The following ZNF687 variants were observed in gnomAD, a reference collection of about 807,000 sequenced individuals.
ZNF687 encodes the protein zinc finger protein 687.
Under a neutral mutation model 71.8 loss-of-function variants are expected in ZNF687, and 13 were observed. The observed-to-expected ratio is 0.18, with a 90% CI of 0.12 to 0.29. The LOEUF is 0.29. Ranked by LOEUF, ZNF687 falls within the 10% of genes least tolerant of loss-of-function variation. The probability of loss-of-function intolerance (pLI) is 1.00; values close to 1 mark genes in which losing one functional copy is unlikely to be tolerated. For missense variants in ZNF687, 1,412 were observed against 1,625.6 expected (o/e 0.87, Z 2.26); for synonymous variants, 673 against 641.6 (o/e 1.05, Z -0.74).
chr1:151,281,996 T>C, upstream of ZNF687: 1 of 1,232,994 alleles, frequency 8.1e-7, no homozygotes, highest in Non-Finnish European at 1.1e-6. Flanking sequence ...GGCTGGCTTC[T>C]TTCTAAGCGA....
intron 1 of ZNF687, chr1:151,283,673 G>T: frequency 3.8e-6 from 1 of 261,204 alleles, no homozygotes; most frequent in Non-Finnish European, 6.0e-6. Flanking sequence ...GGTAGCTCAG[G>T]CCTCTGGTCA....
Position 151,282,327 on chromosome 1 carries a change from G to C in ZNF687, c.-86G>C. ...AAGTAGCGGCGGCCGCGGGGAGGGCGGCGGTGGCTGCAGCGGCTGGAGCGG... is the reference window on the plus strand; with the variant it reads ...AAGTAGCGGCGGCCGCGGGGAGGGCCGCGGTGGCTGCAGCGGCTGGAGCGG... On this transcript the variant is annotated 5_prime_UTR_variant, in exon 1 of 9. Coordinates refer to ENST00000336715, the MANE Select transcript of ZNF687 (RefSeq NM_020832.3). 5.0e-6 allele frequency: 5 copies of C among 1,001,130 alleles called. No homozygotes were observed. The highest frequency in any genetic ancestry group is 4.8e-6 in the Non-Finnish European group (4 of 837,466). 62.0% of individuals were successfully genotyped at this position (1,001,130 alleles called of 1,614,324 possible). A position where few individuals can be genotyped will look rare whatever the true frequency, so the allele number is the denominator to read the frequency against.
At position 151,288,300 on chromosome 1, in the gene ZNF687, A is replaced by T; in HGVS notation, c.2009A>T (p.Tyr670Phe). The change falls in exon 2 of 9, where the codon TAC becomes TTC. Residue 670 changes from tyrosine (Y) to phenylalanine (F), a missense_variant. Physicochemically the swap from Tyr to Phe is conservative, Grantham distance 22. This residue lies in a region of ZNF687 where 207 missense variants were observed against 239.2 expected (regional missense o/e 0.87). Transcript: ENST00000336715. ...EPPAAPATSA[Y>F]TCFRCLECKE... ...CCTGCTGCCCCGGCCACCTCTGCTT[A>T]CACATGCTTTCGCTGCCTGGAGTGC... 6.2e-7 allele frequency: 1 copy of T among 1,613,208 alleles called. No homozygotes were observed. The highest frequency in any genetic ancestry group is 2.2e-5 in the East Asian group (1 of 44,874).
chr1:151,288,859 C>T (rs185706047), intron 3 of ZNF687, among the ~76,000 whole-genome samples, 153 bp downstream of exon 3: 1 of 152,310 alleles, frequency 6.6e-6, no homozygotes, highest in Non-Finnish European at 1.5e-5. Flanking sequence ...TCCTGCCTTC[C>T]CGTCGTCCCC....
Position 151,290,903 on chromosome 1 carries a change from G to T in ZNF687, c.3408G>T (p.Gln1136His). 6.2e-7 allele frequency: 1 copy of T among 1,614,088 alleles called. No individual in the cohort carries two copies. The highest frequency in any genetic ancestry group is 8.5e-7 in the Non-Finnish European group (1 of 1,180,028). ...TGAGGGTGGAGGATGGTGCCCAGCA[G>T]TGCCTCGACTGTGGCTTGTGCTTTG... The part of the protein sequence containing the change: ...MGLRVEDGAQ[Q>H]CLDCGLCFAS... The change falls in exon 9 of 9, where the codon CAG becomes CAT. Residue 1136 changes from glutamine (Q) to histidine (H), a missense_variant. Coordinates refer to ENST00000336715, the MANE Select transcript of ZNF687 (RefSeq NM_020832.3).
chr1:151,282,418 C>A, intron 1 of ZNF687, 23 bp downstream of exon 1: 2 of 986,374 alleles, frequency 2.0e-6, no homozygotes, highest in Non-Finnish European at 2.4e-6. Context: ...GGGGTAAATA[C>A]CCGCCCTTGG....
upstream of ZNF687, chr1:151,282,131 C>CG (rs1449888600): frequency 1.1e-5 from 13 of 1,235,658 alleles, no homozygotes; most frequent in East Asian, 4.2e-4. Context: ...GAGGACTGTG[C>CG]GGGGCTAGTT....
In ZNF687 at chr1:151,290,005, A is replaced by G. The variant is rs145709815; in HGVS notation, c.2962A>G (p.Lys988Glu). ...GGCCCACATGAAGAAGGAGCATGGCAAGGTGAGTGGGCCCCAAGGGGAGTA... is the reference window on the plus strand; with the variant it reads ...GGCCCACATGAAGAAGGAGCATGGCGAGGTGAGTGGGCCCCAAGGGGAGTA... ...YVAHMKKEHG[K>E]SVKKFPCRLC... Residue 988 changes from lysine (K) to glutamate (E), a missense_variant and splice_region_variant, in exon 6 of 9, where the codon AAG becomes GAG. Lys to Glu is a moderately conservative substitution (Grantham distance 56, BLOSUM62 1). Around this residue, in one of 8 missense-constraint regions of ZNF687, gnomAD observed 284 missense variants for 359.2 expected, o/e 0.79. Transcript: ENST00000336715. 1.1e-4 allele frequency: 178 copies of G among 1,586,170 alleles called. No homozygotes were observed. Among genetic ancestry groups the G allele is most frequent in the Non-Finnish European group, 1.4e-4 (164 of 1,163,728 alleles).
At chr1:151,290,381 C>G (rs757425502) in intron 7 of ZNF687, 51 bp from the exon 8 acceptor site, 2 of 1,613,388 alleles carry the variant, frequency 1.2e-6, no homozygotes, top group East Asian at 2.2e-5. Context: ...AAGCAAGGGC[C>G]CTGGCCTTCG....
intron 2 of ZNF687, 24 bp downstream of exon 2, chr1:151,288,430 C>A: frequency 6.3e-7 from 1 of 1,595,758 alleles, no homozygotes; most frequent in Non-Finnish European, 8.5e-7. Context: ...CACAGCCCTT[C>A]TGTGGGGACA....
rs1694319487 is a variant in ZNF687 at position 151,292,098 on chromosome 1, G to GCACT, written c.*891_*894dup. ...CATACCTCATCACCCATCTCCCCCT[G>GCACT]CACTCCCCCAGAAAACCTGGAAATG... On this transcript the variant is annotated 3_prime_UTR_variant, in exon 9 of 9. Coordinates refer to ENST00000336715, the MANE Select transcript of ZNF687 (RefSeq NM_020832.3). 6.6e-6 allele frequency: 1 copy of GCACT among 152,236 alleles called. No individual in the cohort carries two copies. The highest frequency in any genetic ancestry group is 1.5e-5 in the Non-Finnish European group (1 of 68,102). 9.4% of individuals were successfully genotyped at this position (152,236 alleles called of 1,614,324 possible).
Position 151,286,899 on chromosome 1 carries a change from A to G in ZNF687, c.608A>G (p.Gln203Arg). 6.2e-7 allele frequency: 1 copy of G among 1,613,304 alleles called. No homozygotes were observed. Among genetic ancestry groups the G allele is most frequent in the Non-Finnish European group, 8.5e-7 (1 of 1,179,570 alleles). ...PPFPSSFELA[Q>R]ENGPGMQPPV... ...TTCCCCTCTTCCTTTGAGCTGGCCCAGGAGAATGGCCCAGGCATGCAGCCA... is the reference window on the plus strand; with the variant it reads ...TTCCCCTCTTCCTTTGAGCTGGCCCGGGAGAATGGCCCAGGCATGCAGCCA... Residue 203 changes from glutamine to arginine, a missense_variant, in exon 2 of 9, where the codon CAG (glutamine) becomes CGG (arginine). Transcript: ENST00000336715.
rs781593158 is a variant in ZNF687, at chr1:151,288,634, A to G, written c.2222A>G (p.Asn741Ser). ...CATGTCTGTCCTGAGTGTGGGGGCA[A>G]CTTCCTGCAAGCCAATTTTCAGACC... ...PPHVCPECGGNFLQANFQTHL... is the reference protein window; with the variant it reads ...PPHVCPECGGSFLQANFQTHL... The change falls in exon 3 of 9, where the codon AAC (asparagine) becomes AGC (serine). Residue 741 changes from asparagine (N) to serine (S), a missense_variant. Physicochemically the swap from Asn to Ser is conservative, Grantham distance 46. Coordinates refer to ENST00000336715, the MANE Select transcript of ZNF687 (RefSeq NM_020832.3). The G allele has an allele frequency of 8.8e-5, 142 of 1,614,058 alleles. 2 individuals are homozygous for G. The South Asian group carries it at 1.5e-3, about 17-fold the overall frequency.
chr1:151,282,507 C>T (rs1693757847), intron 1 of ZNF687, 112 bp downstream of exon 1: 4 of 818,414 alleles, frequency 4.9e-6, no homozygotes, highest in Non-Finnish European at 5.9e-6. Flanking sequence ...CCGCGCCGCC[C>T]CCTGGGGCGG....
chr1:151,288,406 T>A lies in ZNF687; in HGVS notation c.2115T>A (p.Asn705Lys), dbSNP rs766043316. Residue 705 changes from asparagine to lysine, a missense_variant and splice_region_variant, in exon 2 of 9, where the codon AAT becomes AAA. Transcript: ENST00000336715. ...LGPPAPGATSNVCPTCPMMLP... is the reference protein window; with the variant it reads ...LGPPAPGATSKVCPTCPMMLP... ...CCCCTGCCCCTGGGGCCACCAGCAATGTGAGTCACCTTTCACAGCCCTTCT... is the reference window on the plus strand; with the variant it reads ...CCCCTGCCCCTGGGGCCACCAGCAAAGTGAGTCACCTTTCACAGCCCTTCT... 5 of 1,602,894 alleles carry A rather than the reference T, an allele frequency of 3.1e-6. No individual in the cohort carries two copies. Among genetic ancestry groups the A allele is most frequent in the Non-Finnish European group, 4.3e-6 (5 of 1,174,916 alleles).
At chr1:151,283,001 T>C (rs901964661) in intron 1 of ZNF687, 3 of 547,720 alleles carry the variant, frequency 5.5e-6, no homozygotes, top group Non-Finnish European at 7.0e-6. Context: ...CTCCCCTCTT[T>C]CCAGCTCCCC....
chr1:151,291,446 C>CTAAT lies in ZNF687; in HGVS notation c.*243_*246dup, dbSNP rs1166579889. The CTAAT allele has an allele frequency of 5.9e-6, 3 of 505,330 alleles. No homozygotes were observed. The highest frequency in any genetic ancestry group is 1.0e-5 in the Non-Finnish European group (3 of 289,270). 31.3% of individuals were successfully genotyped at this position (505,330 alleles called of 1,614,324 possible). On this transcript the variant is annotated 3_prime_UTR_variant, in exon 9 of 9. Transcript: ENST00000336715. The stretch of plus-strand genomic sequence containing the variant: ...CCATTCCTCCTTTCTGAGCCCAACA[C>CTAAT]TAATTAATTTTATGCTCCTGCTGCA...
Position 151,291,063 on chromosome 1 carries a change from G to A in ZNF687, c.3568G>A (p.Asp1190Asn). Residue 1190 changes from aspartate (D) to asparagine (N), a missense_variant, in exon 9 of 9, where the codon GAC becomes AAC. Physicochemically the swap from Asp to Asn is conservative, Grantham distance 23. This residue lies in a region of ZNF687 where 284 missense variants were observed against 359.2 expected (regional missense o/e 0.79). Coordinates refer to ENST00000336715, the MANE Select transcript of ZNF687 (RefSeq NM_020832.3). ...PPSRSDPDGG[D>N]SPLPASGGPL... ...ATCAAGGTCTGACCCCGATGGTGGA[G>A]ACTCACCCCTGCCTGCTTCTGGAGG... 6.2e-7 allele frequency: 1 copy of A among 1,613,834 alleles called. No individual in the cohort carries two copies. The highest frequency in any genetic ancestry group is 8.5e-7 in the Non-Finnish European group (1 of 1,180,016).
chr1:151,290,492 G>C lies in ZNF687; in HGVS notation c.3138G>C (p.Gln1046His), dbSNP rs769146906. ...SSRLILEKHV[Q>H]VRHGLQLGAQ... ...GCCTGATCCTAGAGAAACATGTCCA[G>C]GTCCGGCACGGCTTGCAGCTTGGGG... Residue 1046 changes from glutamine to histidine, a missense_variant, in exon 8 of 9, where the codon CAG (glutamine) becomes CAC (histidine). By Grantham distance (24) the Gln-to-His change is conservative. Around this residue, in one of 8 missense-constraint regions of ZNF687, gnomAD observed 284 missense variants for 359.2 expected, o/e 0.79. Coordinates refer to ENST00000336715, the MANE Select transcript of ZNF687 (RefSeq NM_020832.3). 2 of 1,613,902 alleles carry C rather than the reference G, an allele frequency of 1.2e-6. No individual in the cohort carries two copies. Among genetic ancestry groups the C allele is most frequent in the African/African-American group, 2.7e-5 (2 of 74,954 alleles).
Sources: gnomAD v4.1 joint callset for allele counts (sites outside exome capture counted in the v4.1 genomes callset) on GRCh38, gnomAD v4.1.1 for gene constraint, gnomAD v4.1.1 regional missense constraint, MANE v1.5 for transcripts, NCBI Gene and HGNC (gene_info 2026-07-23, HGNC 2026-07-21) for gene names.